The following PDE10A variants were observed in gnomAD, a reference collection of about 807,000 sequenced individuals.
PDE10A encodes the protein cAMP and cAMP-inhibited cGMP 3',5'-cyclic phosphodiesterase 10A.
PDE10A carries 39 observed loss-of-function variants against 97.7 expected under a neutral mutation model. The ratio of observed to expected loss-of-function variants is 0.40; its 90% CI spans 0.31 to 0.52. The LOEUF is 0.52. Among genes scored for constraint, PDE10A ranks in the 20% least tolerant of loss-of-function variants. The probability of loss-of-function intolerance (pLI) is 0.56; values close to 1 mark genes in which losing one functional copy is unlikely to be tolerated. For missense variants in PDE10A, 731 were observed against 1,047.8 expected, an observed-to-expected ratio of 0.70 and a Z score of 4.17; for synonymous variants, 371 against 376.8, an observed-to-expected ratio of 0.98 and a Z score of 0.18.
At chr6:165,345,390 G>A (rs564910499) in intron 18 of PDE10A, among the ~76,000 whole-genome samples, 2 of 152,110 alleles carry the variant, frequency 1.3e-5, no homozygotes, top group Non-Finnish European at 2.9e-5. Flanking sequence ...TAGAAATTTG[G>A]CATCAAATGT....
chr6:165,416,037 G>A (rs529362021), intron 12 of PDE10A, 152 bp downstream of exon 12: 39 of 620,262 alleles, frequency 6.3e-5, no homozygotes, highest in African/African-American at 6.3e-4. Flanking sequence ...TGAATATACT[G>A]ACTATTGATA....
At chr6:165,838,510 C>T (rs2128472441) in intron 1 of PDE10A, among the ~76,000 whole-genome samples, 2 of 152,256 alleles carry the variant, frequency 1.3e-5, no homozygotes, top group Middle Eastern at 6.8e-3. Context: ...TATCTACTTC[C>T]AAAACATTTC....
intron 1 of PDE10A, among the ~76,000 whole-genome samples, chr6:165,736,861 A>T (rs4709089): frequency 0.26 from 39,783 of 152,028 alleles, 6,858 homozygotes; most frequent in African/African-American, 0.48. Flanking sequence ...AGATCAATGG[A>T]TCTAAGAGTT....
intron 1 of PDE10A, among the ~76,000 whole-genome samples, chr6:165,953,182 A>G (rs962231092): frequency 6.6e-6 from 1 of 152,210 alleles, no homozygotes; most frequent in African/African-American, 2.4e-5. Flanking sequence ...CCATCTAGTT[A>G]ATAGTACTCC....
chr6:165,505,130 T>G (rs1291355151), intron 2 of PDE10A, among the ~76,000 whole-genome samples: 1 of 152,258 alleles, frequency 6.6e-6, no homozygotes, highest in Non-Finnish European at 1.5e-5. Context: ...CTAATGATTT[T>G]GTAAGTCACC....
intron 1 of PDE10A, among the ~76,000 whole-genome samples, chr6:165,970,211 C>T (rs942045414): frequency 1.2e-4 from 19 of 152,032 alleles, no homozygotes; most frequent in African/African-American, 4.4e-4. Flanking sequence ...TGAGAGGTTG[C>T]TCCAGACTGA....
intron 1 of PDE10A, among the ~76,000 whole-genome samples, chr6:165,608,701 T>G (rs2128400058): frequency 6.6e-6 from 1 of 152,310 alleles, no homozygotes; most frequent in East Asian, 1.9e-4. Context: ...TCTTCCACAA[T>G]GGTTGAACTA....
chr6:165,395,595 G>A (rs1786103934), intron 14 of PDE10A, among the ~76,000 whole-genome samples: 1 of 152,076 alleles, frequency 6.6e-6, no homozygotes, highest in Non-Finnish European at 1.5e-5. Flanking sequence ...GAAAAGGGGG[G>A]AAAAGCCTTT....
intron 1 of PDE10A, among the ~76,000 whole-genome samples, chr6:165,965,039 C>T (rs1784469635): frequency 6.6e-6 from 1 of 152,232 alleles, no homozygotes; most frequent in African/African-American, 2.4e-5. Flanking sequence ...TTTGGCCAAA[C>T]TTGACCCTGA....
intron 1 of PDE10A, among the ~76,000 whole-genome samples, chr6:165,786,497 C>T (rs770657908): frequency 2.6e-5 from 4 of 152,170 alleles, no homozygotes; most frequent in Non-Finnish European, 4.4e-5. Flanking sequence ...GGTAAAGAAG[C>T]ATTTCTCCTT....
At chr6:165,459,253 G>A (rs770360611) in intron 3 of PDE10A, among the ~76,000 whole-genome samples, 15 of 152,058 alleles carry the variant, frequency 9.9e-5, no homozygotes, top group Non-Finnish European at 2.2e-4. Flanking sequence ...CATTTAATTT[G>A]ATGCTCAAGT....
intron 1 of PDE10A, among the ~76,000 whole-genome samples, chr6:165,643,827 TAGA>T (rs1237944118): frequency 6.6e-6 from 1 of 152,186 alleles, no homozygotes; most frequent in Non-Finnish European, 1.5e-5. Flanking sequence ...TAGAAATTGT[TAGA>T]AGAATAGATT....
intron 1 of PDE10A, among the ~76,000 whole-genome samples, chr6:165,645,853 C>CGAAAAAAAAAA: frequency 9.9e-6 from 1 of 101,254 alleles, no homozygotes; most frequent in East Asian, 2.7e-4. Context: ...GACTCCATCT[C>CGAAAAAAAAAA]AAAAAAAAAA....
In PDE10A at chr6:165,882,168, G is replaced by A. The variant is rs368458881; in HGVS notation, c.-615+105361C>T. Among the ~76,000 whole-genome samples the A allele has an allele frequency of 4.6e-5, 7 of 152,262 alleles. No homozygotes were observed. The South Asian group carries it at 1.2e-3, about 27-fold the overall frequency. ...TGATTTCCACTCCATGGCCATCCCC[G>A]ACCTAGTCAGAAGAGTAACCCTTGA... is the stretch of plus-strand genomic sequence containing the variant. On this transcript the variant is annotated intron_variant, in intron 1 of 19. Coordinates refer to the PDE10A transcript ENST00000366882.
chr6:165,952,682 A>G (rs1037175741), intron 1 of PDE10A, among the ~76,000 whole-genome samples: 1 of 152,248 alleles, frequency 6.6e-6, no homozygotes, highest in East Asian at 1.9e-4. Flanking sequence ...AGGGCTCTGC[A>G]CGGGACGGAA....
intron 6 of PDE10A, among the ~76,000 whole-genome samples, chr6:165,434,558 C>G (rs552845324): frequency 4.1e-4 from 62 of 152,298 alleles, no homozygotes; most frequent in African/African-American, 1.5e-3. Flanking sequence ...TATACTGAGT[C>G]TGGGCCTGTC....
chr6:165,508,193 A>G (rs1781311737), intron 2 of PDE10A, among the ~76,000 whole-genome samples: 1 of 152,058 alleles, frequency 6.6e-6, no homozygotes, highest in Non-Finnish European at 1.5e-5. Flanking sequence ...AATCACCCCA[A>G]AAGTTTCCGC....
intron 1 of PDE10A, among the ~76,000 whole-genome samples, chr6:165,545,371 A>AT (rs1343740622): frequency 6.6e-6 from 1 of 152,106 alleles, no homozygotes; most frequent in Non-Finnish European, 1.5e-5. Flanking sequence ...TCCCAAAGAG[A>AT]TTTTAACTCT....
intron 1 of PDE10A, among the ~76,000 whole-genome samples, chr6:165,918,680 T>C (rs1174665325): frequency 6.6e-6 from 1 of 152,224 alleles, no homozygotes; most frequent in Non-Finnish European, 1.5e-5. Context: ...TCAAACAAAT[T>C]TGGCTATGTT....
Sources: allele counts gnomAD v4.1 joint callset (sites outside exome capture counted in the v4.1 genomes callset), GRCh38; gene constraint gnomAD v4.1.1; transcripts MANE v1.5; gene names NCBI Gene and HGNC (gene_info 2026-07-23, HGNC 2026-07-21).